The following GPR173 variants were observed in gnomAD, a reference collection of about 807,000 sequenced individuals.
GPR173 encodes G protein-coupled receptor 173, also known as probable G protein-coupled receptor 173.
Under a neutral mutation model 13.9 loss-of-function variants are expected in GPR173, and 2 were observed. The observed-to-expected ratio is 0.14, with a 90% CI of 0.06 to 0.45. The LOEUF (loss-of-function observed/expected upper bound fraction) is 0.45, where lower values mean the gene tolerates loss of function less well. Ranked by LOEUF, GPR173 falls within the 20% of genes least tolerant of loss-of-function variation. The probability of loss-of-function intolerance (pLI) is 0.98; values close to 1 mark genes in which losing one functional copy is unlikely to be tolerated. For missense variants in GPR173, 202 were observed against 340.5 expected, an observed-to-expected ratio of 0.59 and a Z score of 3.20; for synonymous variants, 131 against 141.0, an observed-to-expected ratio of 0.93 and a Z score of 0.50.
chrX:53,056,391 C>T (rs1333626040), intron 1 of GPR173, among the ~76,000 whole-genome samples: 2 of 109,902 alleles, frequency 1.8e-5, no homozygotes, highest in African/African-American at 6.7e-5. Context: ...ACCGCGAAGA[C>T]CTATAGGATG....
intron 1 of GPR173, among the ~76,000 whole-genome samples, chrX:53,073,352 C>T (rs1932292271): frequency 9.0e-6 from 1 of 110,764 alleles, no homozygotes. Flanking sequence ...AAGTTCCACC[C>T]CCTAATCCCA....
intron 1 of GPR173, among the ~76,000 whole-genome samples, chrX:53,051,866 G>C (rs1931962127): frequency 9.0e-6 from 1 of 110,831 alleles, no homozygotes; most frequent in Non-Finnish European, 1.9e-5. Flanking sequence ...TGCATCTAAA[G>C]GGTGTGCTTG....
rs1156275205 is a variant in GPR173, at chrX:53,049,401, A to G, written c.-181A>G. The G allele has an allele frequency of 8.1e-5, 9 of 111,675 alleles. No homozygotes were observed. Among genetic ancestry groups the G allele is most frequent in the African/African-American group, 1.6e-4 (5 of 30,663 alleles). 9.2% of individuals were successfully genotyped at this position (111,675 alleles called of 1,213,427 possible). A position where few individuals can be genotyped will look rare whatever the true frequency, so the allele number is the denominator to read the frequency against. On this transcript the variant is annotated 5_prime_UTR_variant, in exon 1 of 2. It removes an upstream start codon present in the reference 5' UTR. Transcript: ENST00000332582. Reference sequence around the variant, plus strand: ...CCGCCAGATCACTGAGGGTCCCACAATGTGGCCCGGGCTGTGATTTACCTG... The same window carrying G: ...CCGCCAGATCACTGAGGGTCCCACAGTGTGGCCCGGGCTGTGATTTACCTG...
intron 1 of GPR173, among the ~76,000 whole-genome samples, chrX:53,059,378 C>T (rs893558299): frequency 4.6e-5 from 5 of 108,422 alleles, no homozygotes; most frequent in African/African-American, 6.7e-5. Context: ...CTGCAACCTC[C>T]GCCTCCATGC....
chrX:53,073,759 TAAATTATATATATA>T (rs1274418553), intron 1 of GPR173, among the ~76,000 whole-genome samples: 6 of 87,812 alleles, frequency 6.8e-5, no homozygotes, highest in South Asian at 5.0e-4. Flanking sequence ...AATTTAAAAG[TAAATTATATATATA>T]AAATTATATA....
chrX:53,076,867 T>C lies in GPR173; in HGVS notation c.246T>C (p.Ser82=), dbSNP rs1932441847. 8.3e-7 allele frequency: 1 copy of C among 1,209,256 alleles called. No individual in the cohort carries two copies. The highest frequency in any genetic ancestry group is 1.1e-6 in the Non-Finnish European group (1 of 895,367). ...SAVCFPFVLA[S]VRHGSSWTFS... is the part of the protein sequence containing the mutation. The stretch of plus-strand genomic sequence containing the variant: ...TCTGCTTCCCCTTTGTGCTGGCTTC[T>C]GTGCGCCACGGCTCTTCATGGACCT... The change falls in exon 2 of 2, where the codon TCT becomes TCC. Residue 82 remains serine, a synonymous_variant. Coordinates refer to ENST00000332582, the MANE Select transcript of GPR173 (RefSeq NM_018969.6).
At chrX:53,054,877 A>G in intron 1 of GPR173, among the ~76,000 whole-genome samples, 1 of 109,422 alleles carries the variant, frequency 9.1e-6, no homozygotes, top group Non-Finnish European at 1.9e-5. Context: ...AAGTGTGGTT[A>G]TATGTGGATG....
intron 1 of GPR173, among the ~76,000 whole-genome samples, chrX:53,058,043 G>T (rs1441835708): frequency 8.9e-6 from 1 of 112,341 alleles, no homozygotes; most frequent in Admixed American, 9.4e-5. Context: ...CATGAAAGTG[G>T]GTTTGTACTT....
intron 1 of GPR173, among the ~76,000 whole-genome samples, chrX:53,061,416 C>A: frequency 9.0e-6 from 1 of 110,500 alleles, no homozygotes; most frequent in East Asian, 2.8e-4. Context: ...AATGTGAGTG[C>A]AAATTTGAAT....
At position 53,076,610 on chromosome X, in the gene GPR173, C is replaced by T; in HGVS notation, c.-12C>T. 8.5e-7 allele frequency: 1 copy of T among 1,172,871 alleles called. No homozygotes were observed. The highest frequency in any genetic ancestry group is 1.1e-6 in the Non-Finnish European group (1 of 872,718). ...GACCCCCTAGGGTTGGCAGTAGCCC[C>T]TGACCCTCAGTATGGCCAACACTAC... On this transcript the variant is annotated 5_prime_UTR_variant, in exon 2 of 2. Transcript: ENST00000332582.
intron 1 of GPR173, among the ~76,000 whole-genome samples, chrX:53,056,316 G>T (rs1411137911): frequency 9.1e-6 from 1 of 110,486 alleles, no homozygotes; most frequent in Non-Finnish European, 1.9e-5. Context: ...ATGAAAGTAG[G>T]TGTATTTGAG....
rs782649467 is a variant in GPR173, at chrX:53,077,739, T to C, written c.1118T>C (p.Met373Thr). ...GCTCCCAGAGAACCCTACTGTGTCA[T>C]GTGAAGCAGGCTGGTAGGCAGACAG... ...APAPREPYCVM is the reference protein window; with the variant it reads ...APAPREPYCVT Residue 373 changes from methionine to threonine, a missense_variant, in exon 2 of 2, where the codon ATG becomes ACG. This residue lies in a region of GPR173 where 76 missense variants were observed against 116.3 expected (regional missense o/e 0.65). Coordinates refer to ENST00000332582, the MANE Select transcript of GPR173 (RefSeq NM_018969.6). The C allele has an allele frequency of 3.3e-6, 4 of 1,201,302 alleles. No homozygotes were observed. The highest frequency in any genetic ancestry group is 4.5e-6 in the Non-Finnish European group (4 of 889,255).
rs1277648356 is a variant in GPR173 at position 53,077,984 on chromosome X, C to G, written c.*241C>G. ...CCTGTCTCCGCTGCCTCCTTCTCCA[C>G]TTCTACAATCTCATTCTCTCTCTCT... On this transcript the variant is annotated 3_prime_UTR_variant, in exon 2 of 2. Transcript: ENST00000332582. 1 of 386,930 alleles carries G rather than the reference C, an allele frequency of 2.6e-6. No homozygotes were observed. The highest frequency in any genetic ancestry group is 6.0e-5 in the South Asian group (1 of 16,638). 31.9% of individuals were successfully genotyped at this position (386,930 alleles called of 1,213,427 possible). A position where few individuals can be genotyped will look rare whatever the true frequency, so the allele number is the denominator to read the frequency against.
At chrX:53,060,265 T>C (rs1038224137) in intron 1 of GPR173, among the ~76,000 whole-genome samples, 2 of 108,348 alleles carry the variant, frequency 1.8e-5, no homozygotes, top group South Asian at 8.0e-4. Flanking sequence ...TTCTCGTGCC[T>C]CAACCAAAAA....
At chrX:53,061,117 G>A (rs1932119665) in intron 1 of GPR173, among the ~76,000 whole-genome samples, 1 of 109,052 alleles carries the variant, frequency 9.2e-6, no homozygotes, top group Admixed American at 9.8e-5. Flanking sequence ...CAGCTACTGG[G>A]GAGGCTGAGG....
At chrX:53,070,917 G>A (rs1010562173) in intron 1 of GPR173, 1 of 111,166 alleles carries the variant, frequency 9.0e-6, no homozygotes, top group Non-Finnish European at 1.9e-5. Context: ...GTAAATGCTT[G>A]GGCATGACAC....
At chrX:53,072,403 T>A (rs1932272496) in intron 1 of GPR173, among the ~76,000 whole-genome samples, 1 of 104,932 alleles carries the variant, frequency 9.5e-6, no homozygotes, top group South Asian at 4.5e-4. Flanking sequence ...GCTCTCTCTC[T>A]CTCTCTCTCT....
chrX:53,073,542 C>G (rs948652100), intron 1 of GPR173, among the ~76,000 whole-genome samples: 47 of 109,106 alleles, frequency 4.3e-4, no homozygotes, highest in Non-Finnish European at 8.7e-4. Flanking sequence ...GCTGTTGTAG[C>G]TAATCCTGCC....
intron 1 of GPR173, among the ~76,000 whole-genome samples, chrX:53,074,254 T>G (rs185823278): frequency 0.15 from 110 of 741 alleles, 11 homozygotes; most frequent in Non-Finnish European, 0.17. Flanking sequence ...AAATATACAT[T>G]TATATTTATT....
Sources: allele counts gnomAD v4.1 joint callset (sites outside exome capture counted in the v4.1 genomes callset), GRCh38; gene constraint gnomAD v4.1.1; regional missense constraint gnomAD v4.1.1; transcripts MANE v1.5; gene names NCBI Gene and HGNC (gene_info 2026-07-23, HGNC 2026-07-21).